Variants in PTPRS observed in about 807,000 individuals in gnomAD.
PTPRS encodes receptor-type tyrosine-protein phosphatase S.
A neutral mutation model predicts 215.3 loss-of-function variants in PTPRS; 63 were observed. The observed-to-expected ratio is 0.29, with a 90% CI of 0.24 to 0.36. The LOEUF is 0.36. Among genes scored for constraint, PTPRS ranks in the 10% least tolerant of loss-of-function variants. The pLI is 1.00. For synonymous variants in PTPRS, 1,404 were observed against 1,191.4 expected, an observed-to-expected ratio of 1.18 and a Z score of -3.68; for missense variants, 2,258 against 2,825.8, an observed-to-expected ratio of 0.80 and a Z score of 4.56.
At chr19:5,315,969 G>C (rs548473801) in intron 1 of PTPRS, among the ~76,000 whole-genome samples, 12 of 150,664 alleles carry the variant, frequency 8.0e-5, no homozygotes, top group East Asian at 2.0e-4. Flanking sequence ...GGGCCGGGGT[G>C]GGGGGTGGTC....
At chr19:5,248,120 G>A (rs1474792599) in intron 9 of PTPRS, among the ~76,000 whole-genome samples, 5 of 151,720 alleles carry the variant, frequency 3.3e-5, no homozygotes, top group Non-Finnish European at 7.4e-5. Context: ...CAGCGGACGC[G>A]GTCCAGGCCA....
chr19:5,207,874 A>C, intron 37 of PTPRS, 48 bp downstream of exon 37: 1 of 1,600,294 alleles, frequency 6.2e-7, no homozygotes, highest in Non-Finnish European at 8.5e-7. Context: ...GCTTAGGGGC[A>C]GTCGGGGCGT....
rs866762601 is a variant in PTPRS at position 5,260,718 on chromosome 19, G to C, written c.595+87C>G. 1.4e-5 allele frequency: 21 copies of C among 1,532,318 alleles called. No homozygotes were observed. The Middle Eastern group carries it at 3.7e-3, about 272-fold the overall frequency. The allele number at this position is 1,532,318 out of a possible 1,614,324, so 94.9% of individuals were successfully genotyped here. ...GCAGGGTGGACACGCATGGAAGGGG[G>C]CCTGGGGGCAGGCCCTGTGGAGCCT... On this transcript the variant is annotated intron_variant, in intron 7 of 37. Coordinates refer to ENST00000262963, the MANE Select transcript of PTPRS (RefSeq NM_002850.4).
chr19:5,226,715 C>T (rs150186895), intron 16 of PTPRS, among the ~76,000 whole-genome samples: 54 of 151,908 alleles, frequency 3.6e-4, no homozygotes, highest in African/African-American at 1.3e-3. Flanking sequence ...TGGCACTGTA[C>T]TCCAGCCTGG....
intron 4 of PTPRS, among the ~76,000 whole-genome samples, chr19:5,271,338 C>T (rs1321536000): frequency 6.6e-6 from 1 of 152,074 alleles, no homozygotes; most frequent in Non-Finnish European, 1.5e-5. Flanking sequence ...CCCTGTATCA[C>T]TCACTCATCT....
chr19:5,290,049 GCATGGCAGCCCA>G (rs1252878636), intron 1 of PTPRS, among the ~76,000 whole-genome samples: 2 of 152,262 alleles, frequency 1.3e-5, no homozygotes, highest in African/African-American at 2.4e-5. Context: ...GTTAGGAAAA[GCATGGCAGCCCA>G]TGGTGGCCAG....
At chr19:5,248,770 G>A (rs2044737500) in intron 9 of PTPRS, among the ~76,000 whole-genome samples, 1 of 152,228 alleles carries the variant, frequency 6.6e-6, no homozygotes, top group Non-Finnish European at 1.5e-5. Context: ...TGGAGGAGCT[G>A]ATGTGGCTGA....
intron 2 of PTPRS, 116 bp downstream of exon 2, chr19:5,285,934 G>T: frequency 1.1e-6 from 1 of 893,346 alleles, no homozygotes; most frequent in East Asian, 2.7e-5. Flanking sequence ...AGTTCCATTT[G>T]GCAAAATGGA....
chr19:5,215,310 C>T lies in PTPRS; in HGVS notation c.4297G>A (p.Val1433Ile). The part of the protein sequence containing the change: ...ANVIAYDHSR[V>I]ILQPIEGIMG... Reference sequence around the variant, plus strand: ...CTACCTTCAATGGGCTGGAGGATGACACGGGAGTGGTCATAGGCGATGACG... The same window carrying T: ...CTACCTTCAATGGGCTGGAGGATGATACGGGAGTGGTCATAGGCGATGACG... Residue 1433 changes from valine (V) to isoleucine (I), a missense_variant, in exon 28 of 38, where the codon GTC (valine) becomes ATC (isoleucine). Transcript: ENST00000262963. 2 of 1,614,138 alleles carry T rather than the reference C, an allele frequency of 1.2e-6. No individual in the cohort carries two copies. The highest frequency in any genetic ancestry group is 2.2e-5 in the South Asian group (2 of 91,086).
intron 35 of PTPRS, 30 bp from the exon 36 acceptor site, chr19:5,208,421 C>G (rs1324432858): frequency 6.6e-7 from 1 of 1,515,246 alleles, no homozygotes; most frequent in African/African-American, 1.4e-5. Context: ...ATCTTGTTAT[C>G]AGGTCAGCAG....
intron 1 of PTPRS, among the ~76,000 whole-genome samples, chr19:5,311,825 G>A (rs533309317): frequency 2.2e-4 from 34 of 152,178 alleles, no homozygotes; most frequent in Non-Finnish European, 2.9e-5. Flanking sequence ...TGGATCACGA[G>A]GTCAGGAGAT....
rs535330454 is a variant in PTPRS at position 5,273,625 on chromosome 19, T to A, written c.238-42A>T. ...AAAAAAGAACAGAGTGAGGCTGGGG[T>A]CCCAGGAAGGTTCCTGTCTAGGCTG... is the stretch of plus-strand genomic sequence containing the variant. On this transcript the variant is annotated intron_variant, in intron 3 of 37. Transcript: ENST00000262963. 50 of 1,611,754 alleles carry A rather than the reference T, an allele frequency of 3.1e-5. 1 individual carries two copies. The South Asian group carries it at 5.3e-4, about 17-fold the overall frequency.
At chr19:5,232,759 A>AAGGC (rs66701471) in intron 13 of PTPRS, among the ~76,000 whole-genome samples, 4 of 150,082 alleles carry the variant, frequency 2.7e-5, no homozygotes, top group Admixed American at 6.6e-5. Context: ...ACCTACTAAT[A>AAGGC]ATTGTGGTAA....
intron 23 of PTPRS, chr19:5,219,096 AGAG>A (rs796686613): frequency 2.8e-5 from 19 of 687,986 alleles, no homozygotes; most frequent in South Asian, 2.5e-4. Flanking sequence ...ATAGGGGTTA[AGAG>A]GAGAAGCCAA....
At chr19:5,215,433 G>T (rs200290734) in intron 27 of PTPRS, 21 bp from the exon 28 acceptor site, 1 of 1,612,604 alleles carries the variant, frequency 6.2e-7, no homozygotes. Context: ...AGGGGAGAGC[G>T]CGGGTGTCAG....
intron 16 of PTPRS, 43 bp downstream of exon 16, chr19:5,229,271 CGG>C (rs748323570): frequency 7.3e-7 from 1 of 1,365,442 alleles, no homozygotes; most frequent in African/African-American, 1.5e-5. Flanking sequence ...GCACGGCCCG[CGG>C]GAAGCGCACA....
Position 5,270,659 on chromosome 19 carries a change from A to G in PTPRS, c.379+2783T>C, listed in dbSNP as rs188618271. Among the ~76,000 whole-genome samples, 196 of 152,016 alleles carry G rather than the reference A, an allele frequency of 1.3e-3. 2 individuals carry two copies. The highest frequency in any genetic ancestry group is 4.4e-3 in the African/African-American group (183 of 41,448). ...GGGCCTTTCTTTTTTTTCTTTTGAG[A>G]TGGAGTCTCCCTGTGTCACCCAGGC... On this transcript the variant is annotated intron_variant, in intron 4 of 37. Transcript: ENST00000262963.
At chr19:5,286,634 C>A (rs1427267838) in intron 1 of PTPRS, among the ~76,000 whole-genome samples, 1 of 152,162 alleles carries the variant, frequency 6.6e-6, no homozygotes, top group African/African-American at 2.4e-5. Context: ...ATAGCCCTCA[C>A]CAGACACCAA....
Position 5,219,982 on chromosome 19 carries a change from C to G in PTPRS, c.3722G>C (p.Arg1241Pro). ...CACGGCAAGCACGAAGAGGACATAG[C>G]GGTGGCCGGGCTCCAGGCCCCGGTT... Reference protein sequence around the residue: ...FDNRGLEPGHRYVLFVLAVLQ... With the variant: ...FDNRGLEPGHPYVLFVLAVLQ... The change falls in exon 22 of 38, where the codon CGC becomes CCC. Residue 1241 changes from arginine (R) to proline (P), a missense_variant. This residue lies in a region of PTPRS where 927 missense variants were observed against 1,125.9 expected (regional missense o/e 0.82). Coordinates refer to ENST00000262963, the MANE Select transcript of PTPRS (RefSeq NM_002850.4). 1 of 1,613,864 alleles carries G rather than the reference C, an allele frequency of 6.2e-7. No homozygotes were observed. The highest frequency in any genetic ancestry group is 8.5e-7 in the Non-Finnish European group (1 of 1,180,010).
Sources: allele counts gnomAD v4.1 joint callset (sites outside exome capture counted in the v4.1 genomes callset), GRCh38; gene constraint gnomAD v4.1.1; regional missense constraint gnomAD v4.1.1; transcripts MANE v1.5; gene names NCBI Gene and HGNC (gene_info 2026-07-23, HGNC 2026-07-21).